LRRC49: variants seen among roughly 807,000 people sequenced by gnomAD.
LRRC49 encodes leucine rich repeat containing 49, also known as leucine-rich repeat-containing protein 49.
LRRC49 carries 50 observed loss-of-function variants against 83.3 expected under a neutral mutation model. The ratio of observed to expected loss-of-function variants is 0.60; its 90% CI spans 0.48 to 0.76. LRRC49 has a LOEUF of 0.76. LRRC49 is among the 30% of genes least tolerant of loss of function. LRRC49 has a pLI of 0.00. For missense variants in LRRC49, 704 were observed against 809.1 expected (o/e 0.87, Z 1.58); for synonymous variants, 286 against 283.3 (o/e 1.01, Z -0.10).
intron 8 of LRRC49, among the ~76,000 whole-genome samples, chr15:70,958,113 A>G (rs1240423444): frequency 6.6e-6 from 1 of 152,066 alleles, no homozygotes; most frequent in East Asian, 1.9e-4. Context: ...TGTCCATGCT[A>G]CACTCTAAAC....
At chr15:70,981,275 A>C (rs959351294) in intron 10 of LRRC49, among the ~76,000 whole-genome samples, 1 of 145,760 alleles carries the variant, frequency 6.9e-6, no homozygotes, top group Non-Finnish European at 1.5e-5. Flanking sequence ...GTTCTTACTC[A>C]TGAGTGGGAG....
At chr15:70,989,238 A>G (rs1354233999) in intron 11 of LRRC49, among the ~76,000 whole-genome samples, 1 of 152,114 alleles carries the variant, frequency 6.6e-6, no homozygotes, top group East Asian at 1.9e-4. Context: ...GTGTTTTCCA[A>G]CTTGGTTCCA....
At chr15:70,875,337 G>A (rs1396612744) in intron 2 of LRRC49, among the ~76,000 whole-genome samples, 5 of 152,072 alleles carry the variant, frequency 3.3e-5, no homozygotes, top group African/African-American at 4.8e-5. Flanking sequence ...GGCAGGGCTC[G>A]GAATCAAGAT....
chr15:70,968,451 A>C (rs976453646), intron 9 of LRRC49, among the ~76,000 whole-genome samples: 1 of 152,172 alleles, frequency 6.6e-6, no homozygotes, highest in Admixed American at 6.5e-5. Flanking sequence ...ATACGTATGC[A>C]TGTGTCTTTA....
intron 6 of LRRC49, 30 bp downstream of exon 6, chr15:70,911,628 T>A: frequency 7.2e-7 from 1 of 1,398,114 alleles, no homozygotes; most frequent in Non-Finnish European, 9.8e-7. Flanking sequence ...TTTCTTTCTT[T>A]TTTGAAAAAA....
chr15:70,900,358 T>A, intron 3 of LRRC49: 2 of 414,610 alleles, frequency 4.8e-6, no homozygotes, highest in Non-Finnish European at 9.6e-6. Context: ...TAATAGTGGC[T>A]GAACTTACAA....
rs1252810392 is a variant in LRRC49 at position 70,904,550 on chromosome 15, A to G, written c.297-2A>G. 6.2e-7 allele frequency: 1 copy of G among 1,606,514 alleles called. No homozygotes were observed. The highest frequency in any genetic ancestry group is 2.2e-5 in the East Asian group (1 of 44,792). ...TAATTAACTTTTTAACATTTTTTCT[A>G]GACAAAAGCTGACCGTATGTCCTAT... is the stretch of plus-strand genomic sequence containing the variant. On this transcript the variant is annotated splice_acceptor_variant, in intron 4 of 15. Transcript: ENST00000260382. LOFTEE classifies it high-confidence loss of function.
intron 7 of LRRC49, among the ~76,000 whole-genome samples, chr15:70,928,263 T>C (rs1416184477): frequency 6.6e-6 from 1 of 152,178 alleles, no homozygotes; most frequent in Non-Finnish European, 1.5e-5. Flanking sequence ...ATTCTGGAAG[T>C]TCAACAAATT....
chr15:70,984,901 T>C (rs551154216), intron 11 of LRRC49, among the ~76,000 whole-genome samples: 159 of 150,976 alleles, frequency 1.1e-3, no homozygotes, highest in African/African-American at 3.7e-3. Flanking sequence ...GTTCTTGCGA[T>C]AGTTTACTGA....
chr15:71,019,946 A>T (rs2038943673), intron 14 of LRRC49, among the ~76,000 whole-genome samples: 1 of 152,202 alleles, frequency 6.6e-6, no homozygotes, highest in African/African-American at 2.4e-5. Context: ...AGAAAATAAG[A>T]CATCATGTAA....
intron 7 of LRRC49, among the ~76,000 whole-genome samples, chr15:70,921,467 G>T (rs368113380): frequency 2.3e-4 from 35 of 152,270 alleles, no homozygotes; most frequent in African/African-American, 7.7e-4. Context: ...GTGGGAGTGG[G>T]TGGGTTTGTT....
At chr15:70,890,182 T>C (rs567166894), upstream of LRRC49, among the ~76,000 whole-genome samples, 1 of 152,188 alleles carries the variant, frequency 6.6e-6, no homozygotes, top group Non-Finnish European at 1.5e-5. Context: ...GGTTGTGTAA[T>C]TATGAAGAAG....
intron 3 of LRRC49, among the ~76,000 whole-genome samples, chr15:70,897,272 G>A (rs549390524): frequency 6.6e-6 from 1 of 152,186 alleles, no homozygotes; most frequent in African/African-American, 2.4e-5. Flanking sequence ...TGGATGTATT[G>A]AATTTTGTGA....
At chr15:71,010,564 T>C (rs1213855289) in intron 13 of LRRC49, among the ~76,000 whole-genome samples, 3 of 151,902 alleles carry the variant, frequency 2.0e-5, no homozygotes, top group African/African-American at 7.2e-5. Context: ...TATAAGTAAA[T>C]GTCTGGAAAG....
rs1053726344 is a variant in LRRC49 at position 71,039,721 on chromosome 15, G to A, written c.1857+2389G>A. 6.6e-5 allele frequency among the ~76,000 whole-genome samples: 10 copies of A among 152,262 alleles called. No homozygotes were observed. In the South Asian group the frequency reaches 1.0e-3, roughly 16 times the overall value. On this transcript the variant is annotated intron_variant, in intron 15 of 15. Transcript: ENST00000260382. Reference sequence around the variant, plus strand: ...TTGAATTCACAGATGCAGAATCCACGGATATGGAGGGCCAACTGTATTTAG... The same window carrying A: ...TTGAATTCACAGATGCAGAATCCACAGATATGGAGGGCCAACTGTATTTAG...
intron 4 of LRRC49, 86 bp from the exon 5 acceptor site, chr15:70,904,466 G>T: frequency 1.2e-6 from 1 of 868,406 alleles, no homozygotes; most frequent in East Asian, 2.5e-5. Flanking sequence ...CACAGAATGG[G>T]AGCACAAAGA....
At chr15:70,981,874 C>T (rs2037411739) in intron 10 of LRRC49, among the ~76,000 whole-genome samples, 1 of 148,672 alleles carries the variant, frequency 6.7e-6, no homozygotes, top group African/African-American at 2.5e-5. Flanking sequence ...CATTCTCTAA[C>T]CTTTCTTTTG....
intron 14 of LRRC49, among the ~76,000 whole-genome samples, chr15:71,019,783 G>T (rs1407960881): frequency 2.6e-5 from 4 of 152,070 alleles, no homozygotes; most frequent in African/African-American, 4.8e-5. Flanking sequence ...ATAATATAAA[G>T]ATTTAAATAT....
chr15:71,033,199 G>C (rs149567705), intron 14 of LRRC49, among the ~76,000 whole-genome samples: 76 of 152,278 alleles, frequency 5.0e-4, no homozygotes, highest in African/African-American at 1.7e-3. Context: ...AAAATTGCAA[G>C]CATTCCTACA....
Sources: allele counts gnomAD v4.1 joint callset (sites outside exome capture counted in the v4.1 genomes callset), GRCh38; gene constraint gnomAD v4.1.1; transcripts MANE v1.5; gene names NCBI Gene and HGNC (gene_info 2026-07-23, HGNC 2026-07-21).